Variants in CADPS observed in about 807,000 individuals in gnomAD.
CADPS encodes calcium-dependent secretion activator 1.
A neutral mutation model predicts 167.3 loss-of-function variants in CADPS; 57 were observed. That is an observed-to-expected ratio of 0.34 (90% CI 0.28 to 0.42). CADPS has a LOEUF of 0.42. Ranked by LOEUF, CADPS falls within the 20% of genes least tolerant of loss-of-function variation. CADPS has a pLI of 1.00. For missense variants in CADPS, 1,414 were observed against 1,738.1 expected (o/e 0.81, Z 3.32); for synonymous variants, 676 against 635.3 (o/e 1.06, Z -0.96).
At chr3:62,786,822 C>A (rs2092481899) in intron 1 of CADPS, among the ~76,000 whole-genome samples, 1 of 151,656 alleles carries the variant, frequency 6.6e-6, no homozygotes, top group Non-Finnish European at 1.5e-5. Context: ...TGAATAATAA[C>A]AAGAGATCGA....
chr3:62,547,557 A>ACAT (rs2076653471), intron 11 of CADPS, among the ~76,000 whole-genome samples: 1 of 142,086 alleles, frequency 7.0e-6, no homozygotes, highest in Non-Finnish European at 1.5e-5. Flanking sequence ...AGCCTACTTT[A>ACAT]CATATTCCCT....
intron 24 of CADPS, among the ~76,000 whole-genome samples, chr3:62,467,759 C>T (rs972797837): frequency 6.6e-6 from 1 of 152,054 alleles, no homozygotes; most frequent in Non-Finnish European, 1.5e-5. Context: ...AGATTTTTAG[C>T]GGGTCTATGC....
Position 62,650,829 on chromosome 3 carries a change from G to C in CADPS, c.1203+18C>G. The C allele has an allele frequency of 1.3e-6, 2 of 1,598,576 alleles. No individual in the cohort carries two copies. The highest frequency in any genetic ancestry group is 2.2e-5 in the South Asian group (2 of 90,480). On this transcript the variant is annotated intron_variant, in intron 5 of 29. Coordinates refer to ENST00000383710, the MANE Select transcript of CADPS (RefSeq NM_003716.4). Reference sequence around the variant, plus strand: ...ACTTGCTGTGCCAAGAAACTTTCAAGGGCTCAGGGCTTTTTACCTCCAATG... The same window carrying C: ...ACTTGCTGTGCCAAGAAACTTTCAACGGCTCAGGGCTTTTTACCTCCAATG...
Position 62,725,742 on chromosome 3 carries a change from A to G in CADPS, c.888+27699T>C, listed in dbSNP as rs146085397. On this transcript the variant is annotated intron_variant, in intron 3 of 29. Coordinates refer to ENST00000383710, the MANE Select transcript of CADPS (RefSeq NM_003716.4). ...AGTCTGTACTAACCGCTGAAGAAAA[A>G]TATGTTAGGTCTTGCTCCTAAATCA... 4.3e-3 allele frequency among the ~76,000 whole-genome samples: 654 copies of G among 152,056 alleles called. 2 individuals are homozygous for G. The highest frequency in any genetic ancestry group is 6.6e-3 in the Non-Finnish European group (447 of 68,042).
At chr3:62,418,646 ATAAT>A (rs1440184448) in intron 28 of CADPS, among the ~76,000 whole-genome samples, 3 of 151,794 alleles carry the variant, frequency 2.0e-5, no homozygotes, top group Non-Finnish European at 4.4e-5. Context: ...CGGCTGATAA[ATAAT>A]GTTTTCTATA....
chr3:62,524,685 G>A (rs760902634), intron 13 of CADPS, among the ~76,000 whole-genome samples: 2 of 152,180 alleles, frequency 1.3e-5, no homozygotes, highest in African/African-American at 2.4e-5. Flanking sequence ...AAGTCGTGGA[G>A]AAGTCTCTCT....
At chr3:62,614,249 G>A (rs2061924860) in intron 6 of CADPS, among the ~76,000 whole-genome samples, 1 of 152,066 alleles carries the variant, frequency 6.6e-6, no homozygotes, top group Non-Finnish European at 1.5e-5. Context: ...TACAGATGAG[G>A]GAACTGAAGC....
At chr3:62,768,811 A>T (rs936070592) in intron 1 of CADPS, among the ~76,000 whole-genome samples, 1 of 152,200 alleles carries the variant, frequency 6.6e-6, no homozygotes, top group Non-Finnish European at 1.5e-5. Flanking sequence ...AAAGGAGCTA[A>T]GGAACTTCAG....
At chr3:62,797,762 C>T (rs2093524230) in intron 1 of CADPS, among the ~76,000 whole-genome samples, 1 of 151,966 alleles carries the variant, frequency 6.6e-6, no homozygotes, top group South Asian at 2.1e-4. Context: ...AACTGACCCC[C>T]AGGACACAAG....
At chr3:62,474,509 T>C (rs945178809) in intron 23 of CADPS, among the ~76,000 whole-genome samples, 189 bp from the exon 24 acceptor site, 1 of 152,154 alleles carries the variant, frequency 6.6e-6, no homozygotes, top group Non-Finnish European at 1.5e-5. Flanking sequence ...GAGACAGACA[T>C]GCACACCCTT....
chr3:62,532,642 C>T (rs1387141747), intron 13 of CADPS, among the ~76,000 whole-genome samples: 1 of 152,056 alleles, frequency 6.6e-6, no homozygotes, highest in East Asian at 1.9e-4. Flanking sequence ...ATTGGCCTAA[C>T]TTCCGAGCTT....
intron 26 of CADPS, among the ~76,000 whole-genome samples, chr3:62,457,052 A>T (rs1372147315): frequency 6.6e-6 from 1 of 152,094 alleles, no homozygotes; most frequent in Admixed American, 6.5e-5. Context: ...TTTTTTTTAA[A>T]CCTATCTCTA....
Position 62,636,430 on chromosome 3 carries a change from C to T in CADPS, c.1325+9292G>A, listed in dbSNP as rs528056997. Among the ~76,000 whole-genome samples, 125 of 152,302 alleles carry T rather than the reference C, an allele frequency of 8.2e-4. 1 individual carries two copies. The highest frequency in any genetic ancestry group is 3.0e-3 in the African/African-American group (123 of 41,582). ...CCCAAACCATCTAAACTAGCAGCTA[C>T]GGGCTGGCATGAAAGCTTCTGAATC... On this transcript the variant is annotated intron_variant, in intron 6 of 29. Transcript: ENST00000383710.
Position 62,486,690 on chromosome 3 carries a change from A to C in CADPS, c.3026+4649T>G, listed in dbSNP as rs558742604. Among the ~76,000 whole-genome samples, 12 of 152,292 alleles carry C rather than the reference A, an allele frequency of 7.9e-5. 1 individual carries two copies. The South Asian group carries it at 2.5e-3, about 32-fold the overall frequency. ...TGAGGGTTCTTGGCTTCACCCAGGA[A>C]AGAATTCAAGGGTGAGCCGATGGTA... On this transcript the variant is annotated intron_variant, in intron 21 of 29. Transcript: ENST00000383710.
chr3:62,833,245 C>T (rs910307175), intron 1 of CADPS, among the ~76,000 whole-genome samples: 2 of 152,058 alleles, frequency 1.3e-5, no homozygotes, highest in African/African-American at 4.8e-5. Context: ...GCCTCAACCT[C>T]CCCAGGATCC....
intron 28 of CADPS, 149 bp downstream of exon 28, chr3:62,437,955 G>C: frequency 1.7e-6 from 1 of 590,120 alleles, no homozygotes; most frequent in Non-Finnish European, 3.0e-6. Flanking sequence ...AGACAGATAA[G>C]AGCCTAAGGC....
At chr3:62,766,544 G>A (rs948675839) in intron 1 of CADPS, among the ~76,000 whole-genome samples, 1 of 152,174 alleles carries the variant, frequency 6.6e-6, no homozygotes, top group Non-Finnish European at 1.5e-5. Flanking sequence ...AATGCAGTAT[G>A]ACCATATGCA....
At chr3:62,531,659 T>C (rs112877703) in intron 13 of CADPS, among the ~76,000 whole-genome samples, 103 of 152,336 alleles carry the variant, frequency 6.8e-4, no homozygotes, top group African/African-American at 2.4e-3. Flanking sequence ...GCAGCGACTT[T>C]TGCATCTGAG....
chr3:62,579,402 G>C (rs191814004), intron 8 of CADPS, among the ~76,000 whole-genome samples: 108 of 152,282 alleles, frequency 7.1e-4, no homozygotes, highest in Non-Finnish European at 8.8e-4. Context: ...ATGAAAAAAG[G>C]AAACAAATTT....
Sources: gnomAD v4.1 joint callset for allele counts (sites outside exome capture counted in the v4.1 genomes callset) on GRCh38, gnomAD v4.1.1 for gene constraint, MANE v1.5 for transcripts, NCBI Gene and HGNC (gene_info 2026-07-23, HGNC 2026-07-21) for gene names.